The following PANK2 variants were observed in gnomAD, a reference collection of about 807,000 sequenced individuals.
PANK2 encodes the protein pantothenate kinase 2.
In PANK2, 36 loss-of-function variants were observed where a neutral mutation model predicts 43.1. That is an observed-to-expected ratio of 0.84 (90% CI 0.64 to 1.10). The LOEUF (loss-of-function observed/expected upper bound fraction) is 1.10. Among genes scored for constraint, PANK2 ranks in the 50% least tolerant of loss-of-function variants. The pLI is 0.00. For missense variants in PANK2, 576 were observed against 593.3 expected (o/e 0.97, Z 0.30); for synonymous variants, 281 against 238.2 (o/e 1.18, Z -1.66).
intron 6 of PANK2, among the ~76,000 whole-genome samples, chr20:3,922,851 G>A (rs367768155): frequency 3.9e-5 from 6 of 152,056 alleles, no homozygotes; most frequent in African/African-American, 9.7e-5. Context: ...CTTTGCATCC[G>A]ACCTCGCCTT....
intron 2 of PANK2, among the ~76,000 whole-genome samples, chr20:3,910,179 C>T (rs2090445858): frequency 6.6e-6 from 1 of 152,140 alleles, no homozygotes; most frequent in African/African-American, 2.4e-5. Context: ...CCTTGTGGCT[C>T]CCACCCTGTG....
chr20:3,889,944 C>G (rs1035021247), intron 1 of PANK2: 3 of 1,527,812 alleles, frequency 2.0e-6, no homozygotes, highest in Non-Finnish European at 2.6e-6. Flanking sequence ...TATGCACTTC[C>G]CGCTTGTTGG....
At chr20:3,889,039 G>A, upstream of PANK2, 1 of 1,391,692 alleles carries the variant, frequency 7.2e-7, no homozygotes, top group Non-Finnish European at 9.7e-7. Flanking sequence ...GTCGCCCCAG[G>A]AGAGTTCCGC....
In PANK2 at chr20:3,929,765, A is replaced by T. The variant is rs2090793672; in HGVS notation, c.*6471A>T. 1 of 152,244 alleles carries T rather than the reference A, an allele frequency of 6.6e-6. No individual in the cohort carries two copies. Among genetic ancestry groups the T allele is most frequent in the Non-Finnish European group, 1.5e-5 (1 of 68,028 alleles). 9.4% of individuals were successfully genotyped at this position (152,244 alleles called of 1,614,324 possible). A position where few individuals can be genotyped will look rare whatever the true frequency, so the allele number is the denominator to read the frequency against. On this transcript the variant is annotated 3_prime_UTR_variant, in exon 7 of 7. Transcript: ENST00000610179. Reference sequence around the variant, plus strand: ...GTCGCAGATAGAAAGTCAATCAGAAAAATCTGGTTGTGCTCTTGGATTAGC... The same window carrying T: ...GTCGCAGATAGAAAGTCAATCAGAATAATCTGGTTGTGCTCTTGGATTAGC...
chr20:3,897,869 G>A (rs1320830027), intron 1 of PANK2, among the ~76,000 whole-genome samples: 1 of 151,892 alleles, frequency 6.6e-6, no homozygotes, highest in African/African-American at 2.4e-5. Context: ...GCTGGGCATG[G>A]TGGTACGAGC....
chr20:3,890,526 A>G (rs2090105520), intron 1 of PANK2, among the ~76,000 whole-genome samples: 1 of 152,208 alleles, frequency 6.6e-6, no homozygotes, highest in Non-Finnish European at 1.5e-5. Flanking sequence ...CCTGGCAGCC[A>G]TTGCTGCTGT....
chr20:3,919,469 T>G (rs891201062), intron 6 of PANK2, among the ~76,000 whole-genome samples: 2 of 152,226 alleles, frequency 1.3e-5, no homozygotes, highest in Non-Finnish European at 2.9e-5. Flanking sequence ...GTTGTAATTC[T>G]TGTGCCAGTT....
chr20:3,915,592 G>A (rs763750546), intron 4 of PANK2, among the ~76,000 whole-genome samples: 4 of 152,272 alleles, frequency 2.6e-5, no homozygotes, highest in South Asian at 2.1e-4. Flanking sequence ...CACCACGCCC[G>A]CCAGTTTTAG....
intron 4 of PANK2, among the ~76,000 whole-genome samples, chr20:3,914,325 AT>A (rs2146880083): frequency 6.6e-6 from 1 of 152,016 alleles, no homozygotes; most frequent in East Asian, 1.9e-4. Context: ...TAGCGTTTTT[AT>A]TTTTTAAGAG....
intron 1 of PANK2, among the ~76,000 whole-genome samples, chr20:3,896,119 T>C (rs2090202931): frequency 6.6e-6 from 1 of 151,600 alleles, no homozygotes; most frequent in Non-Finnish European, 1.5e-5. Flanking sequence ...TGGAGTGCAG[T>C]GGTGCGATCT....
chr20:3,896,320 C>T (rs1410891969), intron 1 of PANK2, among the ~76,000 whole-genome samples: 1 of 151,170 alleles, frequency 6.6e-6, no homozygotes, highest in Admixed American at 6.6e-5. Context: ...CCTCGTGATC[C>T]GCCTGCCTTG....
At chr20:3,896,529 G>A (rs1323302558) in intron 1 of PANK2, among the ~76,000 whole-genome samples, 3 of 152,190 alleles carry the variant, frequency 2.0e-5, no homozygotes, top group Non-Finnish European at 4.4e-5. Flanking sequence ...ATGGCTGGAA[G>A]CCTCTGGACT....
intron 1 of PANK2, 109 bp downstream of exon 1, chr20:3,889,837 G>C: frequency 2.0e-6 from 3 of 1,520,024 alleles, no homozygotes; most frequent in Non-Finnish European, 2.6e-6. Context: ...CACTGTCCCC[G>C]CACGGTGGTC....
rs11087610 is a variant in PANK2 at position 3,902,581 on chromosome 20, GTTTTT to G, written c.299-5337_299-5333del. ...AGCATGAGCCACCGCACCTGGCCTA[GTTTTT>G]TTTTTTTCTTTTAAAGTAGAGATGG... On this transcript the variant is annotated intron_variant, in intron 1 of 6. Transcript: ENST00000610179. 1.2e-4 allele frequency among the ~76,000 whole-genome samples: 18 copies of G among 146,598 alleles called. 2 individuals are homozygous for G. In the East Asian group the frequency reaches 3.0e-3, roughly 24 times the overall value.
chr20:3,924,648 T>C lies in PANK2; in HGVS notation c.*1354T>C, dbSNP rs2146907761. ...GGTAATTTTGTCCCCTGGAGAGTGA[T>C]TGGTGACCCTCTTCCCTGCTGCTGC... On this transcript the variant is annotated 3_prime_UTR_variant, in exon 7 of 7. Transcript: ENST00000610179. The C allele has an allele frequency of 6.5e-6, 1 of 153,082 alleles. No individual in the cohort carries two copies. The highest frequency in any genetic ancestry group is 1.9e-4 in the East Asian group (1 of 5,212). 9.5% of individuals were successfully genotyped at this position (153,082 alleles called of 1,614,324 possible).
At position 3,924,846 on chromosome 20, in the gene PANK2, C is replaced by G. The variant is rs2090697741; in HGVS notation, c.*1552C>G. ...CACAGGGTGCTGCTCCCTGGGCCAACTCCTGTGAACTTGCTCACTTCCCAT... is the reference window on the plus strand; with the variant it reads ...CACAGGGTGCTGCTCCCTGGGCCAAGTCCTGTGAACTTGCTCACTTCCCAT... On this transcript the variant is annotated 3_prime_UTR_variant, in exon 7 of 7. Coordinates refer to ENST00000610179, the MANE Select transcript of PANK2 (RefSeq NM_001386393.1). 6.6e-6 allele frequency: 1 copy of G among 152,476 alleles called. No individual in the cohort carries two copies. The highest frequency in any genetic ancestry group is 2.4e-5 in the African/African-American group (1 of 41,470). 9.4% of individuals were successfully genotyped at this position (152,476 alleles called of 1,614,324 possible).
intron 1 of PANK2, among the ~76,000 whole-genome samples, chr20:3,897,926 AC>A (rs2090235904): frequency 6.6e-6 from 1 of 152,072 alleles, no homozygotes; most frequent in Non-Finnish European, 1.5e-5. Context: ...AATCGCTTGA[AC>A]AACTGGGAGG....
chr20:3,900,113 A>G (rs2090277654), intron 1 of PANK2, among the ~76,000 whole-genome samples: 1 of 151,660 alleles, frequency 6.6e-6, no homozygotes, highest in East Asian at 1.9e-4. Flanking sequence ...TGCTGTTAAC[A>G]TTTGCTTGAT....
intron 6 of PANK2, 115 bp downstream of exon 6, chr20:3,918,911 T>G: frequency 2.6e-6 from 4 of 1,554,042 alleles, no homozygotes; most frequent in Non-Finnish European, 1.8e-6. Context: ...TTTCTTTTGT[T>G]TTTTGTTTTT....
Sources: allele counts gnomAD v4.1 joint callset (sites outside exome capture counted in the v4.1 genomes callset), GRCh38; gene constraint gnomAD v4.1.1; transcripts MANE v1.5; gene names NCBI Gene and HGNC (gene_info 2026-07-23, HGNC 2026-07-21).